CNTNAP2: variants seen among roughly 807,000 people sequenced by gnomAD.
The protein encoded by CNTNAP2 is contactin associated protein 2, also known as contactin-associated protein-like 2.
Under a neutral mutation model 155.2 loss-of-function variants are expected in CNTNAP2, and 98 were observed. The observed-to-expected ratio is 0.63, with a 90% confidence interval of 0.54 to 0.75. CNTNAP2 has a LOEUF of 0.75. CNTNAP2 is among the 30% of genes least tolerant of loss of function. CNTNAP2 has a pLI of 0.00. For synonymous variants in CNTNAP2, 651 were observed against 631.2 expected, an observed-to-expected ratio of 1.03 and a Z score of -0.47; for missense variants, 1,727 against 1,688.1, an observed-to-expected ratio of 1.02 and a Z score of -0.40.
At chr7:147,870,237 C>T (rs1468952155) in intron 13 of CNTNAP2, among the ~76,000 whole-genome samples, 1 of 152,088 alleles carries the variant, frequency 6.6e-6, no homozygotes, top group African/African-American at 2.4e-5. Flanking sequence ...GGCCATAACG[C>T]TGGTCTGACC....
At chr7:146,186,332 G>T (rs934728880) in intron 1 of CNTNAP2, among the ~76,000 whole-genome samples, 9 of 152,042 alleles carry the variant, frequency 5.9e-5, no homozygotes, top group Non-Finnish European at 1.0e-4. Context: ...AAATGATTTT[G>T]TTTTTCTGTC....
At chr7:146,892,191 C>G (rs1795792074) in intron 3 of CNTNAP2, among the ~76,000 whole-genome samples, 1 of 152,150 alleles carries the variant, frequency 6.6e-6, no homozygotes, top group Non-Finnish European at 1.5e-5. Flanking sequence ...CAAGTTGATG[C>G]TGTTATCAGC....
At chr7:146,201,974 A>C (rs1056494971) in intron 1 of CNTNAP2, among the ~76,000 whole-genome samples, 1 of 151,962 alleles carries the variant, frequency 6.6e-6, no homozygotes, top group African/African-American at 2.4e-5. Flanking sequence ...TCGACAAAAA[A>C]GTCACTTTTG....
At chr7:147,411,824 A>T (rs1050224358) in intron 10 of CNTNAP2, among the ~76,000 whole-genome samples, 6 of 152,192 alleles carry the variant, frequency 3.9e-5, no homozygotes, top group Non-Finnish European at 7.3e-5. Context: ...GAGGATTATC[A>T]CTAGGAAGGA....
chr7:147,929,092 CAA>C (rs66584239), intron 14 of CNTNAP2, among the ~76,000 whole-genome samples: 63 of 34,618 alleles, frequency 1.8e-3, no homozygotes, highest in African/African-American at 4.8e-3. Context: ...AACTCCATCC[CAA>C]AAAAAAAAAA....
chr7:148,010,436 G>C (rs374699274), intron 15 of CNTNAP2, among the ~76,000 whole-genome samples: 13 of 151,602 alleles, frequency 8.6e-5, no homozygotes, highest in East Asian at 1.9e-4. Flanking sequence ...ATTATCTTTT[G>C]TGCTTCATGC....
chr7:146,489,170 C>T (rs1797102415), intron 1 of CNTNAP2, among the ~76,000 whole-genome samples: 1 of 151,974 alleles, frequency 6.6e-6, no homozygotes, highest in African/African-American at 2.4e-5. Flanking sequence ...TAGGTTAAAC[C>T]TTTTTTCACA....
chr7:146,880,285 C>A (rs1324508640), intron 3 of CNTNAP2, among the ~76,000 whole-genome samples: 2 of 151,860 alleles, frequency 1.3e-5, no homozygotes, highest in Non-Finnish European at 2.9e-5. Context: ...GGATTAGAGC[C>A]CTTATAGAAA....
chr7:147,776,722 C>T (rs1388606172), intron 13 of CNTNAP2, among the ~76,000 whole-genome samples: 1 of 151,810 alleles, frequency 6.6e-6, no homozygotes, highest in Non-Finnish European at 1.5e-5. Context: ...ATTCTAAGAG[C>T]AGGTAGAACA....
intron 18 of CNTNAP2, among the ~76,000 whole-genome samples, chr7:148,213,901 G>A (rs1476455490): frequency 1.3e-5 from 2 of 152,100 alleles, no homozygotes; most frequent in East Asian, 1.9e-4. Context: ...TGGGAGCCTC[G>A]GGGGTCTCAA....
At chr7:148,393,105 A>C (rs957361537) in intron 22 of CNTNAP2, among the ~76,000 whole-genome samples, 2 of 151,756 alleles carry the variant, frequency 1.3e-5, no homozygotes, top group African/African-American at 4.8e-5. Context: ...GATATAAAGA[A>C]CTTTTTAAAA....
At chr7:147,696,277 G>C (rs1796159870) in intron 13 of CNTNAP2, among the ~76,000 whole-genome samples, 1 of 152,132 alleles carries the variant, frequency 6.6e-6, no homozygotes, top group East Asian at 1.9e-4. Flanking sequence ...TCACACATTT[G>C]CTGCTTTTTG....
intron 10 of CNTNAP2, among the ~76,000 whole-genome samples, chr7:147,467,961 T>A (rs1476052836): frequency 2.0e-5 from 3 of 152,036 alleles, no homozygotes; most frequent in East Asian, 3.9e-4. Context: ...AGCCCAGGTG[T>A]TTGAGGTTAC....
chr7:146,898,488 TA>T (rs1021124093), intron 3 of CNTNAP2, among the ~76,000 whole-genome samples: 3 of 150,906 alleles, frequency 2.0e-5, no homozygotes, highest in African/African-American at 7.3e-5. Context: ...AACTGGTATT[TA>T]AAAAAACAAT....
At chr7:147,293,271 A>G (rs1805352938) in intron 8 of CNTNAP2, among the ~76,000 whole-genome samples, 2 of 152,260 alleles carry the variant, frequency 1.3e-5, no homozygotes, top group South Asian at 4.1e-4. Context: ...CTGCCCAAGC[A>G]CCTTTTTACA....
chr7:146,958,455 C>T (rs1384937624), intron 3 of CNTNAP2, among the ~76,000 whole-genome samples: 1 of 140,348 alleles, frequency 7.1e-6, no homozygotes, highest in Non-Finnish European at 1.5e-5. Flanking sequence ...ACTCTGTTGC[C>T]CAGGTTGGAG....
intron 13 of CNTNAP2, among the ~76,000 whole-genome samples, chr7:147,669,403 C>T (rs980406864): frequency 6.6e-6 from 1 of 152,104 alleles, no homozygotes; most frequent in African/African-American, 2.4e-5. Flanking sequence ...TTGCATAGGT[C>T]CCTAATTAAT....
intron 1 of CNTNAP2, among the ~76,000 whole-genome samples, chr7:146,756,817 A>G (rs1355838883): frequency 6.6e-6 from 1 of 152,092 alleles, no homozygotes; most frequent in East Asian, 1.9e-4. Flanking sequence ...ACACAGTATA[A>G]GAAACATTAT....
At chr7:146,168,098 G>A (rs1798339034) in intron 1 of CNTNAP2, among the ~76,000 whole-genome samples, 1 of 152,118 alleles carries the variant, frequency 6.6e-6, no homozygotes, top group South Asian at 2.1e-4. Context: ...TATTTTGGCT[G>A]TGCTGGCAGC....
Sources: allele counts gnomAD v4.1 joint callset (sites outside exome capture counted in the v4.1 genomes callset), GRCh38; gene constraint gnomAD v4.1.1; transcripts MANE v1.5; gene names NCBI Gene and HGNC (gene_info 2026-07-23, HGNC 2026-07-21).